RPGR: variants seen among roughly 807,000 people sequenced by gnomAD.
RPGR encodes the protein retinitis pigmentosa GTPase regulator.
A neutral mutation model predicts 56.3 loss-of-function variants in RPGR; 10 were observed. The observed-to-expected ratio is 0.18, with a 90% CI of 0.11 to 0.30. The LOEUF is 0.30. Among genes scored for constraint, RPGR ranks in the 10% least tolerant of loss-of-function variants. RPGR has a pLI of 1.00. For synonymous variants in RPGR, 197 were observed against 212.9 expected, an observed-to-expected ratio of 0.93 and a Z score of 0.65; for missense variants, 538 against 590.9, an observed-to-expected ratio of 0.91 and a Z score of 0.93.
At chrX:38,315,713 T>C (rs1353497624) in intron 6 of RPGR, among the ~76,000 whole-genome samples, 1 of 109,689 alleles carries the variant, frequency 9.1e-6, no homozygotes, top group East Asian at 2.8e-4. Flanking sequence ...GGATTGTTTA[T>C]AACACAAAGG....
At chrX:38,300,018 C>T (rs5964328) in intron 9 of RPGR, among the ~76,000 whole-genome samples, 2,145 of 110,118 alleles carry the variant, frequency 0.019, 45 homozygotes, top group African/African-American at 0.068. Context: ...GGCACAATCT[C>T]GGCTCACTGC....
In RPGR at chrX:38,269,599, G is replaced by C. The variant is rs950251175; in HGVS notation, c.*27C>G. On this transcript the variant is annotated 3_prime_UTR_variant, in exon 19 of 19. Coordinates refer to ENST00000642395, the MANE Select transcript of RPGR (RefSeq NM_000328.3). ...TTCAAGTATACATTACAATACACTT[G>C]GTGACTGTGAAAACATAAATATATA... 1 of 1,067,091 alleles carries C rather than the reference G, an allele frequency of 9.4e-7. No individual in the cohort carries two copies. Among genetic ancestry groups the C allele is most frequent in the Non-Finnish European group, 1.3e-6 (1 of 766,779 alleles). The allele number at this position is 1,067,091 out of a possible 1,213,427, so 87.9% of individuals were successfully genotyped here.
At position 38,276,902 on chromosome X, in the gene RPGR, C is replaced by T. The variant is rs147001251; in HGVS notation, c.1906-130G>A. 7.9e-3 allele frequency: 4,391 copies of T among 553,367 alleles called. 148 individuals carry two copies. The African/African-American group carries it at 0.091, about 12-fold the overall frequency. The allele number at this position is 553,367 out of a possible 1,213,427, so 45.6% of individuals were successfully genotyped here. ...AAAATATTAATTCAAATATTGAAGCCGAAGAAAAAAATACTGTACAGTCCA... is the reference window on the plus strand; with the variant it reads ...AAAATATTAATTCAAATATTGAAGCTGAAGAAAAAAATACTGTACAGTCCA... On this transcript the variant is annotated intron_variant, in intron 15 of 18. Coordinates refer to ENST00000642395, the MANE Select transcript of RPGR (RefSeq NM_000328.3).
intron 6 of RPGR, among the ~76,000 whole-genome samples, chrX:38,315,840 G>A (rs185863890): frequency 1.1e-5 from 1 of 89,110 alleles, no homozygotes; most frequent in Non-Finnish European, 2.1e-5. Flanking sequence ...TATATATATA[G>A]AGAGAGAGAG....
chrX:38,288,728 C>T (rs1361230112), intron 13 of RPGR, among the ~76,000 whole-genome samples: 1 of 111,922 alleles, frequency 8.9e-6, no homozygotes, highest in Non-Finnish European at 1.9e-5. Context: ...GTACACTTTT[C>T]TTATACATAG....
At position 38,269,751 on chromosome X, in the gene RPGR, T is replaced by C. The variant is rs147649203; in HGVS notation, c.2323A>G (p.Ile775Val). The change falls in exon 19 of 19, where the codon ATA becomes GTA. Residue 775 changes from isoleucine (I) to valine (V), a missense_variant. Ile to Val is a conservative substitution (Grantham distance 29). Transcript: ENST00000642395. ...CTTTTTAAAATGATCTGGTCTCCTA[T>C]GGATTTTATCTCTGGGAGCGGCTCA... 248 of 1,207,803 alleles carry C rather than the reference T, an allele frequency of 2.1e-4. No homozygotes were observed. Among genetic ancestry groups the C allele is most frequent in the African/African-American group, 8.6e-4 (49 of 57,174 alleles).
intron 15 of RPGR, among the ~76,000 whole-genome samples, chrX:38,277,537 C>T (rs1302021479): frequency 9.1e-6 from 1 of 109,700 alleles, no homozygotes; most frequent in East Asian, 2.8e-4. Context: ...TATTAGGTTT[C>T]TCATTAGATT....
intron 11 of RPGR, among the ~76,000 whole-genome samples, chrX:38,293,111 C>T (rs1401041450): frequency 8.9e-6 from 1 of 111,920 alleles, no homozygotes; most frequent in Admixed American, 9.5e-5. Flanking sequence ...CTGTCTGACT[C>T]CACAGCTCTT....
chrX:38,298,372 A>AAT (rs1431383524), intron 10 of RPGR: 10 of 318,052 alleles, frequency 3.1e-5, no homozygotes, highest in Non-Finnish European at 6.0e-5. Flanking sequence ...TCCTCTCTCT[A>AAT]ATTGAAGTCC....
intron 8 of RPGR, among the ~76,000 whole-genome samples, chrX:38,302,091 T>C (rs890611048): frequency 8.9e-6 from 1 of 111,742 alleles, no homozygotes; most frequent in Admixed American, 9.6e-5. Context: ...GGGTCCCCTC[T>C]GAAACTGGGC....
At chrX:38,271,701 T>TTAGAG (rs1320152765) in intron 18 of RPGR, among the ~76,000 whole-genome samples, 1 of 111,865 alleles carries the variant, frequency 8.9e-6, no homozygotes, top group African/African-American at 3.2e-5. Context: ...ATAGATAGAC[T>TTAGAG]TACTCTAACA....
At chrX:38,275,405 G>A (rs1357513506) in intron 16 of RPGR, among the ~76,000 whole-genome samples, 1 of 111,637 alleles carries the variant, frequency 9.0e-6, no homozygotes, top group African/African-American at 3.3e-5. Flanking sequence ...ATTCATGAAC[G>A]CTAATTGGCA....
In RPGR at chrX:38,287,984, T is replaced by C. The variant is rs878853953; in HGVS notation, c.1630A>G (p.Ser544Gly). ...TCTGACATTTCTTCATATTCATCAC[T>C]ATCATCGTTTTCAGTAAGAGCTGTA... The change falls in exon 14 of 19, where the codon AGT (serine) becomes GGT (glycine). Residue 544 changes from serine to glycine, a missense_variant. Coordinates refer to ENST00000642395, the MANE Select transcript of RPGR (RefSeq NM_000328.3). 12 of 1,208,655 alleles carry C rather than the reference T, an allele frequency of 9.9e-6. No homozygotes were observed. In the Admixed American group the frequency reaches 2.4e-4, roughly 24 times the overall value.
chrX:38,286,482 T>TTCCTCCTCTTCCCCCTCACCC, intron 15 of RPGR: 1 of 463,945 alleles, frequency 2.2e-6, no homozygotes, highest in Non-Finnish European at 2.7e-6. Flanking sequence ...CCCCCTCCCC[T>TTCCTCCTCTTCCCCCTCACCC]TCCTCCTCTT....
At chrX:38,327,096 T>C in intron 1 of RPGR, 2 of 335,384 alleles carry the variant, frequency 6.0e-6, no homozygotes, top group Non-Finnish European at 5.1e-6. Flanking sequence ...TTCAAGAAGC[T>C]CATCAAGAGC....
intron 8 of RPGR, 127 bp downstream of exon 8, chrX:38,304,508 T>C (rs1252237424): frequency 3.2e-5 from 17 of 523,628 alleles, no homozygotes; most frequent in African/African-American, 2.4e-5. Flanking sequence ...ATAGTAAACA[T>C]GGAATTCCAT....
intron 11 of RPGR, among the ~76,000 whole-genome samples, chrX:38,295,781 A>G (rs1182371986): frequency 9.0e-6 from 1 of 111,171 alleles, no homozygotes; most frequent in African/African-American, 3.3e-5. Context: ...CCTGATCTCA[A>G]AGATACACAA....
At chrX:38,294,456 A>G (rs1459132943) in intron 11 of RPGR, among the ~76,000 whole-genome samples, 1 of 111,549 alleles carries the variant, frequency 9.0e-6, no homozygotes, top group African/African-American at 3.3e-5. Flanking sequence ...GCTTCAAGCA[A>G]TCCTCCTACC....
chrX:38,325,300 G>T (rs1471836973), intron 1 of RPGR, among the ~76,000 whole-genome samples: 1 of 110,217 alleles, frequency 9.1e-6, no homozygotes, highest in Admixed American at 9.7e-5. Context: ...TACCCATATT[G>T]CCTAGCACAA....
Sources: gnomAD v4.1 joint callset for allele counts (sites outside exome capture counted in the v4.1 genomes callset) on GRCh38, gnomAD v4.1.1 for gene constraint, MANE v1.5 for transcripts, NCBI Gene and HGNC (gene_info 2026-07-23, HGNC 2026-07-21) for gene names.